The following SPTSSB variants were observed in gnomAD, a reference collection of about 807,000 sequenced individuals.
SPTSSB encodes the protein androgen down regulated in mouse prostate.
Under a neutral mutation model 7.7 loss-of-function variants are expected in SPTSSB, and 6 were observed. The observed-to-expected ratio is 0.78, with a 90% confidence interval of 0.43 to 1.54. The LOEUF is 1.54. Ranked by LOEUF, SPTSSB falls within the 40% of genes most tolerant of loss-of-function variation. SPTSSB has a pLI of 0.01. For synonymous variants in SPTSSB, 28 were observed against 29.7 expected (o/e 0.94, Z 0.19); for missense variants, 91 against 93.0 (o/e 0.98, Z 0.09).
intron 1 of SPTSSB, among the ~76,000 whole-genome samples, chr3:161,370,624 A>T (rs1329582612): frequency 2.6e-5 from 4 of 152,206 alleles, no homozygotes; most frequent in Non-Finnish European, 5.9e-5. Context: ...TTTTTGAAAA[A>T]CAATTTTCCC....
At chr3:161,354,365 C>T (rs949493679) in intron 2 of SPTSSB, among the ~76,000 whole-genome samples, 6 of 152,210 alleles carry the variant, frequency 3.9e-5, no homozygotes, top group Non-Finnish European at 1.5e-5. Context: ...TTTATTGAGA[C>T]AAGGTCTCGC....
chr3:161,356,708 CTTATTTTGGTGACTGACAA>C (rs1714784989), intron 2 of SPTSSB, among the ~76,000 whole-genome samples: 1 of 152,066 alleles, frequency 6.6e-6, no homozygotes, highest in South Asian at 2.1e-4. Context: ...CAGTGTTTTT[CTTATTTTGGTGACTGACAA>C]CATTGAACTT....
Position 161,346,003 on chromosome 3 carries a change from A to T in SPTSSB, c.*90T>A. 1 of 699,808 alleles carries T rather than the reference A, an allele frequency of 1.4e-6. No homozygotes were observed. Among genetic ancestry groups the T allele is most frequent in the Non-Finnish European group, 2.5e-6 (1 of 396,086 alleles). 43.3% of individuals were successfully genotyped at this position (699,808 alleles called of 1,614,324 possible). A position where few individuals can be genotyped will look rare whatever the true frequency, so the allele number is the denominator to read the frequency against. On this transcript the variant is annotated 3_prime_UTR_variant, in exon 3 of 3. Coordinates refer to ENST00000620149, the MANE Select transcript of SPTSSB (RefSeq NM_001040100.2). ...GAGAAGAGAGTGCTTTTCAGGTCAG[A>T]TAGTGAAGGAAGACACAATAGTTAC...
chr3:161,358,644 G>A (rs543433416), intron 2 of SPTSSB, among the ~76,000 whole-genome samples: 72 of 151,926 alleles, frequency 4.7e-4, no homozygotes, highest in African/African-American at 1.6e-3. Flanking sequence ...TTTTTAAGGT[G>A]GGGCATATGA....
intron 2 of SPTSSB, among the ~76,000 whole-genome samples, chr3:161,347,025 G>A (rs1714273976): frequency 1.3e-5 from 2 of 152,008 alleles, no homozygotes; most frequent in Admixed American, 1.3e-4. Flanking sequence ...GAGAGGAGGA[G>A]GCTTTAAGTT....
chr3:161,350,437 C>A (rs912224653), intron 2 of SPTSSB, among the ~76,000 whole-genome samples: 3 of 152,182 alleles, frequency 2.0e-5, no homozygotes, highest in Non-Finnish European at 4.4e-5. Flanking sequence ...GAATCAGGGA[C>A]TGAACAGTTA....
intron 2 of SPTSSB, among the ~76,000 whole-genome samples, chr3:161,350,801 A>ATT (rs1714498244): frequency 6.6e-6 from 1 of 152,178 alleles, no homozygotes; most frequent in South Asian, 2.1e-4. Flanking sequence ...GAGAAAACTG[A>ATT]TAAGCCCTGC....
In SPTSSB at chr3:161,346,119, C is replaced by T; in HGVS notation, c.205G>A (p.Gly69Arg). 1 of 1,593,622 alleles carries T rather than the reference C, an allele frequency of 6.3e-7. No homozygotes were observed. The highest frequency in any genetic ancestry group is 1.3e-5 in the African/African-American group (1 of 74,610). The change falls in exon 3 of 3, where the codon GGA becomes AGA. Residue 69 changes from glycine to arginine, a missense_variant. Physicochemically the swap from Gly to Arg is moderately radical, Grantham distance 125 (BLOSUM62 -2). Coordinates refer to ENST00000620149, the MANE Select transcript of SPTSSB (RefSeq NM_001040100.2). ...CAATTAGAAATTGTACTGTGATATCCACATATTTTTGAGAAAAATTCCCAA... is the reference window on the plus strand; with the variant it reads ...CAATTAGAAATTGTACTGTGATATCTACATATTTTTGAGAAAAATTCCCAA... ...LAWEFFSKIC[G>R]YHSTISN
chr3:161,365,558 AAAT>A (rs1397381262), intron 1 of SPTSSB, among the ~76,000 whole-genome samples: 1 of 152,208 alleles, frequency 6.6e-6, no homozygotes, highest in Non-Finnish European at 1.5e-5. Context: ...AAGGTCTTTG[AAAT>A]AAGGTCCTCT....
chr3:161,346,024 G>A lies in SPTSSB; in HGVS notation c.*69C>T. The A allele has an allele frequency of 2.5e-6, 2 of 802,658 alleles. No individual in the cohort carries two copies. Among genetic ancestry groups the A allele is most frequent in the Middle Eastern group, 2.3e-4 (1 of 4,318 alleles). 49.7% of individuals were successfully genotyped at this position (802,658 alleles called of 1,614,324 possible). The stretch of plus-strand genomic sequence containing the variant: ...TCAGATAGTGAAGGAAGACACAATA[G>A]TTACCTAAATCAATAAGCTGTAAGC... On this transcript the variant is annotated 3_prime_UTR_variant, in exon 3 of 3. Transcript: ENST00000620149.
intron 1 of SPTSSB, among the ~76,000 whole-genome samples, chr3:161,366,158 C>G (rs1715210395): frequency 6.6e-6 from 1 of 152,136 alleles, no homozygotes; most frequent in Admixed American, 6.5e-5. Context: ...GAATCCAGGA[C>G]AAAGCTAGAG....
At chr3:161,353,683 A>G (rs974383631) in intron 2 of SPTSSB, among the ~76,000 whole-genome samples, 12 of 152,308 alleles carry the variant, frequency 7.9e-5, no homozygotes, top group Admixed American at 4.6e-4. Context: ...TATCGGACAC[A>G]TGAATGTGGT....
At chr3:161,359,604 G>A in intron 2 of SPTSSB, 198 bp downstream of exon 2, 1 of 511,050 alleles carries the variant, frequency 2.0e-6, no homozygotes, top group Non-Finnish European at 2.5e-6. Flanking sequence ...TCCGTAAGTT[G>A]AGACCTCCAA....
intron 2 of SPTSSB, chr3:161,347,939 C>T (rs886471747): frequency 3.3e-5 from 5 of 152,076 alleles, no homozygotes; most frequent in African/African-American, 1.2e-4. Context: ...CATTCATTCA[C>T]CGAATGAATA....
Position 161,344,877 on chromosome 3 carries a change from TG to T in SPTSSB, c.*1215del, listed in dbSNP as rs1303036418. ...CTGGTTTCTCTTCAAAACATGTGTT[TG>T]TTTTTTTAACAAACATGCAAGTTAA... On this transcript the variant is annotated 3_prime_UTR_variant, in exon 3 of 3. Transcript: ENST00000620149. 6.6e-6 allele frequency: 1 copy of T among 152,668 alleles called. No individual in the cohort carries two copies. Among genetic ancestry groups the T allele is most frequent in the African/African-American group, 2.4e-5 (1 of 41,474 alleles). 9.5% of individuals were successfully genotyped at this position (152,668 alleles called of 1,614,324 possible).
chr3:161,366,712 T>C (rs778184266), intron 1 of SPTSSB, among the ~76,000 whole-genome samples: 1 of 152,224 alleles, frequency 6.6e-6, no homozygotes, highest in Non-Finnish European at 1.5e-5. Context: ...TTTGTCTATT[T>C]TGTTTATTAC....
Position 161,345,911 on chromosome 3 carries a change from T to C in SPTSSB, c.*182A>G. ...CCGGTCTAAAGCACAATGTAGCATG[T>C]GCAAAAGAAACTAAAGAGACATGTA... On this transcript the variant is annotated 3_prime_UTR_variant, in exon 3 of 3. Coordinates refer to ENST00000620149, the MANE Select transcript of SPTSSB (RefSeq NM_001040100.2). 1.9e-6 allele frequency: 1 copy of C among 537,328 alleles called. No homozygotes were observed. Among genetic ancestry groups the C allele is most frequent in the East Asian group, 3.1e-5 (1 of 32,492 alleles). 33.3% of individuals were successfully genotyped at this position (537,328 alleles called of 1,614,324 possible).
chr3:161,369,500 CCTT>C (rs1273379669), intron 1 of SPTSSB, among the ~76,000 whole-genome samples: 21 of 147,370 alleles, frequency 1.4e-4, no homozygotes, highest in African/African-American at 5.0e-4. Flanking sequence ...CTAGTAAACA[CCTT>C]CTCATGTGTA....
chr3:161,370,579 TG>T (rs1715466188), intron 1 of SPTSSB, among the ~76,000 whole-genome samples: 1 of 152,264 alleles, frequency 6.6e-6, no homozygotes, highest in Admixed American at 6.5e-5. Context: ...TCTTAATTTT[TG>T]TCTAATTCAA....
Sources: gnomAD v4.1 joint callset for allele counts (sites outside exome capture counted in the v4.1 genomes callset) on GRCh38, gnomAD v4.1.1 for gene constraint, MANE v1.5 for transcripts, NCBI Gene and HGNC (gene_info 2026-07-23, HGNC 2026-07-21) for gene names.